Variants in MAPK8 observed in about 807,000 individuals in gnomAD.
MAPK8 encodes JUN N-terminal kinase.
MAPK8 carries 13 observed loss-of-function variants against 52.9 expected under a neutral mutation model. That is an observed-to-expected ratio of 0.25 (90% CI 0.16 to 0.39). MAPK8 has a LOEUF of 0.39. Ranked by LOEUF, MAPK8 falls within the 10% of genes least tolerant of loss-of-function variation. The pLI, the probability that MAPK8 is intolerant of heterozygous loss-of-function variation, is 1.00. For synonymous variants in MAPK8, 191 were observed against 169.8 expected (o/e 1.12, Z -0.97); for missense variants, 300 against 519.2 (o/e 0.58, Z 4.10).
At chr10:48,310,702 A>G (rs1426718557) in intron 1 of MAPK8, among the ~76,000 whole-genome samples, 2 of 151,910 alleles carry the variant, frequency 1.3e-5, no homozygotes, top group Admixed American at 1.3e-4. Context: ...GTGCAGGCCA[A>G]ATTTCACTGA....
intron 5 of MAPK8, 88 bp downstream of exon 5, chr10:48,410,256 T>G: frequency 8.6e-7 from 1 of 1,162,164 alleles, no homozygotes; most frequent in African/African-American, 1.6e-5. Flanking sequence ...AAGTGGCATT[T>G]TTAGTACATT....
At chr10:48,428,623 G>C (rs2043875531) in intron 10 of MAPK8, among the ~76,000 whole-genome samples, 1 of 152,198 alleles carries the variant, frequency 6.6e-6, no homozygotes, top group African/African-American at 2.4e-5. Context: ...CCGTGATAAA[G>C]TTAGAAGAAT....
intron 9 of MAPK8, 52 bp from the exon 10 acceptor site, chr10:48,427,028 T>G (rs1010801375): frequency 1.5e-6 from 2 of 1,353,708 alleles, no homozygotes; most frequent in African/African-American, 2.9e-5. Flanking sequence ...AACTACAGAG[T>G]TAAAATACTC....
intron 10 of MAPK8, chr10:48,430,400 T>G (rs957568087): frequency 6.6e-6 from 1 of 152,296 alleles, no homozygotes; most frequent in South Asian, 2.1e-4. Flanking sequence ...GGCCGAAGGT[T>G]CTTCTTAAGT....
At chr10:48,349,725 C>T (rs11101298) in intron 1 of MAPK8, among the ~76,000 whole-genome samples, 76,482 of 151,774 alleles carry the variant, frequency 0.5, 19,858 homozygotes, top group Middle Eastern at 0.72. Flanking sequence ...AGAAGCAAGA[C>T]GAAACAAGTT....
At chr10:48,414,290 A>G (rs2042940138) in intron 5 of MAPK8, among the ~76,000 whole-genome samples, 1 of 152,066 alleles carries the variant, frequency 6.6e-6, no homozygotes. Context: ...CTGTATAGAT[A>G]TATTGTTTAT....
intron 1 of MAPK8, among the ~76,000 whole-genome samples, chr10:48,388,107 A>G (rs981616042): frequency 4.6e-5 from 7 of 152,174 alleles, no homozygotes; most frequent in African/African-American, 1.7e-4. Context: ...TAAACATGGT[A>G]TAGGTAGGGA....
intron 7 of MAPK8, among the ~76,000 whole-genome samples, chr10:48,424,984 TTG>T (rs2043587843): frequency 6.6e-6 from 1 of 152,116 alleles, no homozygotes; most frequent in Non-Finnish European, 1.5e-5. Context: ...TCTGTGTGGT[TTG>T]TGTCTTTTGA....
intron 1 of MAPK8, among the ~76,000 whole-genome samples, chr10:48,386,388 A>T (rs940504136): frequency 1.3e-5 from 2 of 152,186 alleles, no homozygotes; most frequent in African/African-American, 4.8e-5. Flanking sequence ...TTAGATTTAA[A>T]ATTAAAATAG....
chr10:48,404,207 A>T (rs1195775157), intron 2 of MAPK8, among the ~76,000 whole-genome samples: 1 of 149,410 alleles, frequency 6.7e-6, no homozygotes, highest in Non-Finnish European at 1.5e-5. Context: ...ACCAGGCTGG[A>T]GTGCGGTGGT....
intron 1 of MAPK8, among the ~76,000 whole-genome samples, chr10:48,333,481 G>C (rs1050862897): frequency 6.6e-6 from 1 of 152,114 alleles, no homozygotes; most frequent in Non-Finnish European, 1.5e-5. Context: ...CCCCATATTT[G>C]AGTGAGCACT....
rs61500340 is a variant in MAPK8 at position 48,315,601 on chromosome 10, GT to G, written c.-50+8793del. Among the ~76,000 whole-genome samples, 448 of 141,330 alleles carry G rather than the reference GT, an allele frequency of 3.2e-3. 4 individuals carry two copies. The highest frequency in any genetic ancestry group is 0.011 in the African/African-American group (409 of 38,450). 92.7% of individuals were successfully genotyped at this position (141,330 alleles called of 152,430 possible). On this transcript the variant is annotated intron_variant, in intron 1 of 11. Coordinates refer to ENST00000374189, the MANE Select transcript of MAPK8 (RefSeq NM_001323329.2). ...TTTTTTTGCTGTTTTATATATTTAA[GT>G]TTTTTTTTTTTTGCTGGAAATGGCA... is the stretch of plus-strand genomic sequence containing the variant.
intron 1 of MAPK8, among the ~76,000 whole-genome samples, chr10:48,324,503 G>GTTTTTTTTTTTTTGGTTTTTTTTT (rs529248037): frequency 1.9e-4 from 22 of 118,012 alleles, no homozygotes; most frequent in Admixed American, 5.6e-4. Flanking sequence ...CTGTTTTCTA[G>GTTTTTTTTTTTTTGGTTTTTTTTT]TTTTTTTTTT....
chr10:48,413,816 TA>T (rs2042897315), intron 5 of MAPK8, among the ~76,000 whole-genome samples: 44 of 7,322 alleles, frequency 6.0e-3, no homozygotes, highest in East Asian at 0.026. Context: ...CCAGAATTGT[TA>T]TATATATATA....
chr10:48,376,882 A>T (rs2040696136), intron 1 of MAPK8, among the ~76,000 whole-genome samples: 1 of 152,178 alleles, frequency 6.6e-6, no homozygotes, highest in Non-Finnish European at 1.5e-5. Context: ...TACCCAAAGG[A>T]TTATAAATCA....
intron 1 of MAPK8, among the ~76,000 whole-genome samples, chr10:48,350,507 A>G (rs564165177): frequency 6.6e-6 from 1 of 152,348 alleles, no homozygotes; most frequent in African/African-American, 2.4e-5. Context: ...AATAGAACCA[A>G]TGACAAAAAC....
intron 5 of MAPK8, among the ~76,000 whole-genome samples, chr10:48,413,169 A>T (rs2042854280): frequency 6.6e-6 from 1 of 152,322 alleles, no homozygotes; most frequent in African/African-American, 2.4e-5. Flanking sequence ...TGTATATACC[A>T]TACTTGCTTA....
intron 1 of MAPK8, among the ~76,000 whole-genome samples, chr10:48,369,148 T>C (rs764000504): frequency 6.6e-6 from 1 of 152,146 alleles, no homozygotes; most frequent in Non-Finnish European, 1.5e-5. Flanking sequence ...GAAGATCATT[T>C]TGGCTGCAGA....
chr10:48,399,722 C>T (rs780235072), intron 1 of MAPK8, among the ~76,000 whole-genome samples: 3 of 152,152 alleles, frequency 2.0e-5, no homozygotes, highest in Non-Finnish European at 4.4e-5. Context: ...AATATATCAC[C>T]TCCTGTGAAG....
Sources: allele counts gnomAD v4.1 joint callset (sites outside exome capture counted in the v4.1 genomes callset), GRCh38; gene constraint gnomAD v4.1.1; transcripts MANE v1.5; gene names NCBI Gene and HGNC (gene_info 2026-07-23, HGNC 2026-07-21).